The following ELOVL4 variants were observed in gnomAD, a reference collection of about 807,000 sequenced individuals.
ELOVL4 encodes very long chain fatty acid elongase 4.
In ELOVL4, 18 loss-of-function variants were observed where a neutral mutation model predicts 42.1. That is an observed-to-expected ratio of 0.43 (90% confidence interval 0.30 to 0.63). The LOEUF is 0.63. Ranked by LOEUF, ELOVL4 falls within the 30% of genes least tolerant of loss-of-function variation. The pLI is 0.15. For synonymous variants in ELOVL4, 117 were observed against 127.0 expected (o/e 0.92, Z 0.53); for missense variants, 299 against 376.2 (o/e 0.79, Z 1.70).
chr6:79,917,253 T>G (rs1360073873), intron 5 of ELOVL4, among the ~76,000 whole-genome samples: 1 of 152,200 alleles, frequency 6.6e-6, no homozygotes, highest in African/African-American at 2.4e-5. Flanking sequence ...CCATCGGTGA[T>G]TCTTGAGTCC....
chr6:79,929,247 T>C (rs1774402964), intron 1 of ELOVL4, among the ~76,000 whole-genome samples: 1 of 151,848 alleles, frequency 6.6e-6, no homozygotes, highest in East Asian at 1.9e-4. Flanking sequence ...TTTCTTTTCT[T>C]TTTTCTTTTT....
rs1774160659 is a variant in ELOVL4, at chr6:79,916,388, A to C, written c.*220T>G. On this transcript the variant is annotated 3_prime_UTR_variant, in exon 6 of 6. Coordinates refer to ENST00000369816, the MANE Select transcript of ELOVL4 (RefSeq NM_022726.4). ...TGATTGCTTTGGTCTGGAGAATATC[A>C]AGGCTAATTTTTAAAAAAAATGTTT... 2 of 555,458 alleles carry C rather than the reference A, an allele frequency of 3.6e-6. No individual in the cohort carries two copies. Among genetic ancestry groups the C allele is most frequent in the African/African-American group, 3.8e-5 (2 of 52,922 alleles). The allele number at this position is 555,458 out of a possible 1,614,324, so 34.4% of individuals were successfully genotyped here. A position where few individuals can be genotyped will look rare whatever the true frequency, so the allele number is the denominator to read the frequency against.
Position 79,916,409 on chromosome 6 carries a change from T to A in ELOVL4, c.*199A>T. ...TATCAAGGCTAATTTTTAAAAAAAA[T>A]GTTTAAAATAAAAACTTCATAAATA... is the stretch of plus-strand genomic sequence containing the variant. On this transcript the variant is annotated 3_prime_UTR_variant, in exon 6 of 6. Transcript: ENST00000369816. 1 of 623,636 alleles carries A rather than the reference T, an allele frequency of 1.6e-6. No individual in the cohort carries two copies. Among genetic ancestry groups the A allele is most frequent in the Non-Finnish European group, 2.7e-6 (1 of 365,992 alleles). The allele number at this position is 623,636 out of a possible 1,614,324, so 38.6% of individuals were successfully genotyped here.
rs753592451 is a variant in ELOVL4 at position 79,926,253 on chromosome 6, G to C, written c.229C>G (p.Leu77Val). The change falls in exon 2 of 6, where the codon CTA becomes GTA. Residue 77 changes from leucine to valine, a missense_variant. By Grantham distance (32) the Leu-to-Val change is conservative. Coordinates refer to ENST00000369816, the MANE Select transcript of ELOVL4 (RefSeq NM_022726.4). ...MKDREPFQMR[L>V]VLIIYNFGMV... ...CCAAAATTATAGATAATGAGCACTAGACGCATCTGAAAAGGTTCTCGGTCC... is the reference window on the plus strand; with the variant it reads ...CCAAAATTATAGATAATGAGCACTACACGCATCTGAAAAGGTTCTCGGTCC... 1.9e-6 allele frequency: 3 copies of C among 1,613,888 alleles called. No homozygotes were observed. The highest frequency in any genetic ancestry group is 1.7e-6 in the Non-Finnish European group (2 of 1,179,944).
rs140969824 is a variant in ELOVL4, at chr6:79,917,828, A to G, written c.670-945T>C. On this transcript the variant is annotated intron_variant, in intron 5 of 5. Coordinates refer to ENST00000369816, the MANE Select transcript of ELOVL4 (RefSeq NM_022726.4). ...AAGAGCAAAACTCCGTCCCAAAAAAAGAAAAAAATAATATTTGGATAAAAT... is the reference window on the plus strand; with the variant it reads ...AAGAGCAAAACTCCGTCCCAAAAAAGGAAAAAAATAATATTTGGATAAAAT... Among the ~76,000 whole-genome samples, 869 of 152,358 alleles carry G rather than the reference A, an allele frequency of 5.7e-3. 8 individuals carry two copies. The highest frequency in any genetic ancestry group is 0.02 in the African/African-American group (818 of 41,584).
chr6:79,920,490 G>A (rs1216005389), intron 4 of ELOVL4, among the ~76,000 whole-genome samples: 1 of 152,170 alleles, frequency 6.6e-6, no homozygotes, highest in African/African-American at 2.4e-5. Context: ...AAAATGCTCA[G>A]GACCAGATGT....
Position 79,926,400 on chromosome 6 carries a change from AC to A in ELOVL4, c.101-20del. ...CGCTTATCTATAGAGAGAACAAAAT[AC>A]CATAAAATTCATTAATCAGTAAATG... On this transcript the variant is annotated intron_variant, in intron 1 of 5. Coordinates refer to ENST00000369816, the MANE Select transcript of ELOVL4 (RefSeq NM_022726.4). 1 of 1,607,844 alleles carries A rather than the reference AC, an allele frequency of 6.2e-7. No individual in the cohort carries two copies. Among genetic ancestry groups the A allele is most frequent in the South Asian group, 1.1e-5 (1 of 90,616 alleles).
In ELOVL4 at chr6:79,916,157, T is replaced by C. The variant is rs1317951290; in HGVS notation, c.*451A>G. ...ATGTGCAAGTTTAAGTGTATACACA[T>C]TTTCAGCTTTGGACAAGAAAATGTA... On this transcript the variant is annotated 3_prime_UTR_variant, in exon 6 of 6. Coordinates refer to ENST00000369816, the MANE Select transcript of ELOVL4 (RefSeq NM_022726.4). The C allele has an allele frequency of 5.4e-6, 1 of 183,810 alleles. No homozygotes were observed. The highest frequency in any genetic ancestry group is 5.4e-5 in the Admixed American group (1 of 18,442). The allele number at this position is 183,810 out of a possible 1,614,324, so 11.4% of individuals were successfully genotyped here. A position where few individuals can be genotyped will look rare whatever the true frequency, so the allele number is the denominator to read the frequency against.
At chr6:79,917,990 A>C (rs1241385267) in intron 5 of ELOVL4, among the ~76,000 whole-genome samples, 1 of 152,156 alleles carries the variant, frequency 6.6e-6, no homozygotes, top group African/African-American at 2.4e-5. Flanking sequence ...TCAAGACATA[A>C]TGTTAACAAG....
At chr6:79,927,532 CCTTA>C (rs1478199095) in intron 1 of ELOVL4, among the ~76,000 whole-genome samples, 1 of 151,990 alleles carries the variant, frequency 6.6e-6, no homozygotes, top group African/African-American at 2.4e-5. Flanking sequence ...TATTAAAATA[CCTTA>C]CTTAAAAAAT....
At chr6:79,935,604 T>C (rs150191054) in intron 1 of ELOVL4, among the ~76,000 whole-genome samples, 1 of 152,296 alleles carries the variant, frequency 6.6e-6, no homozygotes, top group Non-Finnish European at 1.5e-5. Context: ...TATTTTCGCA[T>C]GTGTAAAGTG....
intron 1 of ELOVL4, among the ~76,000 whole-genome samples, chr6:79,927,200 T>C (rs1257427610): frequency 6.6e-6 from 1 of 152,066 alleles, no homozygotes; most frequent in African/African-American, 2.4e-5. Flanking sequence ...ACAAGCATGA[T>C]AATGAAATAT....
At chr6:79,938,387 GA>G (rs1460140774) in intron 1 of ELOVL4, among the ~76,000 whole-genome samples, 1 of 152,140 alleles carries the variant, frequency 6.6e-6, no homozygotes, top group Non-Finnish European at 1.5e-5. Context: ...GAGTTAATGG[GA>G]ACTTTAGCCA....
chr6:79,924,880 AT>A (rs1774318101), intron 3 of ELOVL4, 71 bp downstream of exon 3: 3 of 939,710 alleles, frequency 3.2e-6, no homozygotes, highest in Non-Finnish European at 5.2e-6. Flanking sequence ...AGTACATTCT[AT>A]ATTTTCACAG....
At position 79,926,217 on chromosome 6, in the gene ELOVL4, G is replaced by A. The variant is rs759170511; in HGVS notation, c.265C>T (p.Leu89Phe). 1 of 1,613,706 alleles carries A rather than the reference G, an allele frequency of 6.2e-7. No individual in the cohort carries two copies. Among genetic ancestry groups the A allele is most frequent in the East Asian group, 2.2e-5 (1 of 44,858 alleles). ...ACCTCTCTGAAGATAAAGAGGTTAA[G>A]CAAAACCATCCCAAAATTATAGATA... ...LIIYNFGMVL[L>F]NLFIFRELFM... Residue 89 changes from leucine to phenylalanine, a missense_variant, in exon 2 of 6, where the codon CTT (leucine) becomes TTT (phenylalanine). By Grantham distance (22) the Leu-to-Phe change is conservative (BLOSUM62 0). Coordinates refer to ENST00000369816, the MANE Select transcript of ELOVL4 (RefSeq NM_022726.4).
At chr6:79,920,300 G>T (rs1268575338) in intron 4 of ELOVL4, among the ~76,000 whole-genome samples, 1 of 152,150 alleles carries the variant, frequency 6.6e-6, no homozygotes, top group Non-Finnish European at 1.5e-5. Context: ...CTCCTCAGAG[G>T]AATAATCTGC....
intron 1 of ELOVL4, among the ~76,000 whole-genome samples, chr6:79,929,298 T>C (rs1329151226): frequency 6.6e-6 from 1 of 152,124 alleles, no homozygotes; most frequent in African/African-American, 2.4e-5. Context: ...TGGAGTAAAG[T>C]AGCACGATCT....
At position 79,921,737 on chromosome 6, in the gene ELOVL4, C is replaced by G. The variant is rs973821185; in HGVS notation, c.429G>C (p.Val143=). 6.2e-7 allele frequency: 1 copy of G among 1,613,956 alleles called. No individual in the cohort carries two copies. The highest frequency in any genetic ancestry group is 2.2e-5 in the East Asian group (1 of 44,850). Residue 143 remains valine, a synonymous_variant, in exon 4 of 6, where the codon GTG becomes GTC. Transcript: ENST00000369816. ...VSKGVEYLDT[V]FFILRKKNNQ... is the part of the protein sequence containing the mutation. ...TGTTTTTCTTTCTCAGAATAAAAAA[C>G]ACTGTGTCCAAATACTCAACTCCTT...
chr6:79,932,752 T>G (rs1582051749), intron 1 of ELOVL4, among the ~76,000 whole-genome samples: 2 of 152,212 alleles, frequency 1.3e-5, no homozygotes, highest in African/African-American at 4.8e-5. Context: ...GATCTCTCAA[T>G]GCTCAACTAG....
Sources: allele counts gnomAD v4.1 joint callset (sites outside exome capture counted in the v4.1 genomes callset), GRCh38; gene constraint gnomAD v4.1.1; transcripts MANE v1.5; gene names NCBI Gene and HGNC (gene_info 2026-07-23, HGNC 2026-07-21).